The following MAPK9 variants were observed in gnomAD, a reference collection of about 807,000 sequenced individuals.
MAPK9 encodes the protein Jun kinase.
MAPK9 carries 30 observed loss-of-function variants against 57.1 expected under a neutral mutation model. That is an observed-to-expected ratio of 0.53 (90% CI 0.39 to 0.71). The LOEUF (loss-of-function observed/expected upper bound fraction) is 0.71, where lower values mean the gene tolerates loss of function less well. MAPK9 is among the 30% of genes least tolerant of loss of function. The pLI is 0.00. For missense variants in MAPK9, 362 were observed against 521.0 expected, an observed-to-expected ratio of 0.69 and a Z score of 2.97; for synonymous variants, 155 against 177.0, an observed-to-expected ratio of 0.88 and a Z score of 0.99.
At chr5:180,264,125 C>T (rs1164162860) in intron 4 of MAPK9, among the ~76,000 whole-genome samples, 1 of 152,130 alleles carries the variant, frequency 6.6e-6, no homozygotes, top group Non-Finnish European at 1.5e-5. Flanking sequence ...CTTTTGATCC[C>T]CTGACCCAGC....
intron 8 of MAPK9, among the ~76,000 whole-genome samples, chr5:180,241,987 A>G (rs937012024): frequency 1.3e-5 from 2 of 151,944 alleles, no homozygotes; most frequent in Middle Eastern, 3.4e-3. Context: ...GGCAACTTAC[A>G]CTTTTTTTTT....
At chr5:180,279,188 C>A (rs1762094206) in intron 2 of MAPK9, among the ~76,000 whole-genome samples, 1 of 152,122 alleles carries the variant, frequency 6.6e-6, no homozygotes, top group African/African-American at 2.4e-5. Flanking sequence ...GATCTCTTGA[C>A]CTCGTGATCT....
rs1036433596 is a variant in MAPK9, at chr5:180,264,849, G to C, written c.253-10C>G. 2.6e-6 allele frequency: 4 copies of C among 1,521,876 alleles called. No homozygotes were observed. The African/African-American group carries it at 4.2e-5, about 16-fold the overall frequency. The allele number at this position is 1,521,876 out of a possible 1,614,324, so 94.3% of individuals were successfully genotyped here. A position where few individuals can be genotyped will look rare whatever the true frequency, so the allele number is the denominator to read the frequency against. On this transcript the variant is annotated splice_polypyrimidine_tract_variant and intron_variant, in intron 3 of 11. Transcript: ENST00000452135. ...TTAACAAACTAATTATCTGAAAAGA[G>C]AAAATTAATTATACTTCAATATGTC...
intron 2 of MAPK9, 33 bp downstream of exon 2, chr5:180,280,404 AACT>A (rs1762219988): frequency 6.3e-7 from 1 of 1,588,118 alleles, no homozygotes; most frequent in African/African-American, 1.4e-5. Context: ...TTACAGCAAA[AACT>A]CAATCCACGC....
intron 3 of MAPK9, among the ~76,000 whole-genome samples, chr5:180,267,466 G>A (rs938438680): frequency 1.3e-5 from 2 of 151,314 alleles, no homozygotes; most frequent in Admixed American, 6.6e-5. Context: ...GGAGGCTGAG[G>A]CAGGAGAATG....
intron 2 of MAPK9, among the ~76,000 whole-genome samples, chr5:180,278,786 C>G (rs1561842162): frequency 9.6e-6 from 1 of 103,908 alleles, no homozygotes; most frequent in East Asian, 2.3e-4. Flanking sequence ...TTCTTGCCCC[C>G]TCTCTCCTTT....
chr5:180,241,300 CA>C (rs1407637183), intron 8 of MAPK9, 145 bp from the exon 9 acceptor site: 68 of 813,744 alleles, frequency 8.4e-5, no homozygotes, highest in East Asian at 5.3e-4. Flanking sequence ...GAATATAACC[CA>C]AAATTTTTTT....
At chr5:180,284,645 G>C (rs908337395) in intron 1 of MAPK9, among the ~76,000 whole-genome samples, 3 of 152,228 alleles carry the variant, frequency 2.0e-5, no homozygotes, top group Admixed American at 2.0e-4. Context: ...TTCTCTAAGT[G>C]TATCTGACAA....
rs771625689 is a variant in MAPK9, at chr5:180,234,662, TTAGA to T, written c.*1718_*1721del. Reference sequence around the variant, plus strand: ...TACAGAGAAGGCCATTTTAAGATGTTTAGATAGATAGCCATAAAATAGGTGTTTC... The same window carrying T: ...TACAGAGAAGGCCATTTTAAGATGTTTAGATAGCCATAAAATAGGTGTTTC... On this transcript the variant is annotated 3_prime_UTR_variant, in exon 12 of 12. Transcript: ENST00000452135. 9.9e-5 allele frequency: 15 copies of T among 152,206 alleles called. No homozygotes were observed. Among genetic ancestry groups the T allele is most frequent in the Non-Finnish European group, 1.5e-4 (10 of 68,040 alleles). 9.4% of individuals were successfully genotyped at this position (152,206 alleles called of 1,614,324 possible).
At chr5:180,287,967 C>A (rs1762918338) in intron 1 of MAPK9, among the ~76,000 whole-genome samples, 1 of 152,124 alleles carries the variant, frequency 6.6e-6, no homozygotes, top group South Asian at 2.1e-4. Flanking sequence ...CAGCTGGGAG[C>A]AGTGGTTAAG....
intron 2 of MAPK9, among the ~76,000 whole-genome samples, chr5:180,270,914 T>A (rs1288358038): frequency 2.6e-5 from 4 of 151,654 alleles, no homozygotes; most frequent in Admixed American, 1.3e-4. Flanking sequence ...ACAGACACAC[T>A]TTTTTGGTAT....
chr5:180,291,598 G>A (rs1308066788), intron 1 of MAPK9, among the ~76,000 whole-genome samples: 2 of 152,018 alleles, frequency 1.3e-5, no homozygotes, highest in African/African-American at 2.4e-5. Context: ...GAGGGATGGC[G>A]CCCGCAGACC....
intron 5 of MAPK9, among the ~76,000 whole-genome samples, chr5:180,256,831 A>G (rs984794123): frequency 2.5e-4 from 38 of 152,334 alleles, no homozygotes; most frequent in Admixed American, 1.9e-3. Flanking sequence ...AGGGGGAACA[A>G]GTCAGACAAA....
intron 5 of MAPK9, among the ~76,000 whole-genome samples, chr5:180,255,696 T>A (rs544123570): frequency 2.0e-5 from 3 of 152,080 alleles, no homozygotes; most frequent in South Asian, 4.2e-4. Context: ...CACCATCACA[T>A]CCACCAGCCT....
chr5:180,265,606 G>A (rs1175849234), intron 3 of MAPK9, among the ~76,000 whole-genome samples: 4 of 152,164 alleles, frequency 2.6e-5, no homozygotes, highest in Non-Finnish European at 5.9e-5. Flanking sequence ...CACATCATGC[G>A]CAACTATGAG....
intron 5 of MAPK9, among the ~76,000 whole-genome samples, chr5:180,250,916 G>A (rs1758613946): frequency 6.6e-6 from 1 of 152,128 alleles, no homozygotes; most frequent in African/African-American, 2.4e-5. Flanking sequence ...GGGACGCTCC[G>A]CTGTGAGGAC....
chr5:180,259,305 GGTCAA>G (rs1266772359), intron 5 of MAPK9, among the ~76,000 whole-genome samples: 2 of 151,718 alleles, frequency 1.3e-5, no homozygotes, highest in Non-Finnish European at 2.9e-5. Flanking sequence ...TAAGGAATGT[GGTCAA>G]GTCTTCAGAC....
chr5:180,253,960 TC>T (rs1315727105), intron 5 of MAPK9, among the ~76,000 whole-genome samples: 1 of 87,416 alleles, frequency 1.1e-5, no homozygotes, highest in Non-Finnish European at 2.4e-5. Flanking sequence ...AATGCTTCAA[TC>T]TCTTTTTTTT....
chr5:180,287,402 A>G (rs1309909220), intron 1 of MAPK9, among the ~76,000 whole-genome samples: 2 of 152,208 alleles, frequency 1.3e-5, no homozygotes, highest in Non-Finnish European at 2.9e-5. Context: ...ATCTATAATT[A>G]TTTCAAAATA....
Sources: gnomAD v4.1 joint callset for allele counts (sites outside exome capture counted in the v4.1 genomes callset) on GRCh38, gnomAD v4.1.1 for gene constraint, MANE v1.5 for transcripts, NCBI Gene and HGNC (gene_info 2026-07-23, HGNC 2026-07-21) for gene names.